Variants in VWA3B observed in about 807,000 individuals in gnomAD.
VWA3B encodes the protein von Willebrand factor A domain-containing protein 3B.
VWA3B carries 138 observed loss-of-function variants against 158.3 expected under a neutral mutation model. That is an observed-to-expected ratio of 0.87 (90% confidence interval 0.76 to 1.00). The LOEUF is 1.00. Ranked by LOEUF, VWA3B falls within the 50% of genes least tolerant of loss-of-function variation. The pLI is 0.00. For missense variants in VWA3B, 1,555 were observed against 1,565.1 expected, an observed-to-expected ratio of 0.99 and a Z score of 0.11; for synonymous variants, 596 against 587.3, an observed-to-expected ratio of 1.01 and a Z score of -0.21.
At chr2:98,237,504 A>AG (rs2105741498) in intron 19 of VWA3B, among the ~76,000 whole-genome samples, 1 of 152,346 alleles carries the variant, frequency 6.6e-6, no homozygotes, top group East Asian at 1.9e-4. Flanking sequence ...TCCCGAGAGG[A>AG]GAAAAACAGC....
intron 14 of VWA3B, among the ~76,000 whole-genome samples, chr2:98,221,374 C>T (rs570613941): frequency 3.7e-4 from 56 of 152,240 alleles, no homozygotes; most frequent in Non-Finnish European, 7.4e-4. Context: ...ACCTTTTTGG[C>T]AATATCTGTC....
At chr2:98,172,624 G>T (rs891469216) in intron 8 of VWA3B, among the ~76,000 whole-genome samples, 1 of 152,112 alleles carries the variant, frequency 6.6e-6, no homozygotes, top group Non-Finnish European at 1.5e-5. Flanking sequence ...CTTCCATATC[G>T]TTTAAAGGGA....
Position 98,234,721 on chromosome 2 carries a change from T to C in VWA3B, c.2382T>C (p.Asp794=). Reference sequence around the variant, plus strand: ...GCTCAGCTTGCAGTGAAAGGAAGGATGGCCTCTCCAATGCCAGCAGCCGGA... The same window carrying C: ...GCTCAGCTTGCAGTGAAAGGAAGGACGGCCTCTCCAATGCCAGCAGCCGGA... ...LRSSACSERK[D]GLSNASSRRT... Residue 794 remains aspartate, a synonymous_variant, in exon 17 of 28, where the codon GAT becomes GAC. Transcript: ENST00000477737. 6.2e-7 allele frequency: 1 copy of C among 1,614,190 alleles called. No homozygotes were observed.
At chr2:98,192,533 T>G (rs1035615073) in intron 10 of VWA3B, among the ~76,000 whole-genome samples, 5 of 152,290 alleles carry the variant, frequency 3.3e-5, no homozygotes, top group Non-Finnish European at 7.4e-5. Flanking sequence ...TCACTTCTTT[T>G]GTGGTGGAAT....
intron 13 of VWA3B, among the ~76,000 whole-genome samples, chr2:98,215,416 G>C (rs532231224): frequency 6.7e-6 from 1 of 150,092 alleles, no homozygotes; most frequent in South Asian, 2.1e-4. Context: ...ACTCTAGCCC[G>C]GGCGACAGAG....
At chr2:98,126,699 A>G (rs1444920810) in intron 5 of VWA3B, among the ~76,000 whole-genome samples, 3 of 152,164 alleles carry the variant, frequency 2.0e-5, no homozygotes, top group African/African-American at 7.2e-5. Flanking sequence ...TAAATTTACA[A>G]TATTCCTCAG....
intron 7 of VWA3B, among the ~76,000 whole-genome samples, chr2:98,142,366 TC>T (rs1385683723): frequency 6.6e-5 from 10 of 152,018 alleles, no homozygotes; most frequent in African/African-American, 2.4e-4. Context: ...TCTCCTGTTC[TC>T]CCCCAAGCCA....
In VWA3B at chr2:98,288,830, C is replaced by T. The variant is rs138612658; in HGVS notation, c.3046-1681C>T. On this transcript the variant is annotated intron_variant, in intron 22 of 27. Coordinates refer to ENST00000477737, the MANE Select transcript of VWA3B (RefSeq NM_144992.5). ...CTTCTTGATCTATCAAGTTGCATAACTTCTTCAATTCCTGAGTTCACATGG... is the reference window on the plus strand; with the variant it reads ...CTTCTTGATCTATCAAGTTGCATAATTTCTTCAATTCCTGAGTTCACATGG... 6.4e-3 allele frequency among the ~76,000 whole-genome samples: 976 copies of T among 152,230 alleles called. 8 individuals carry two copies. The highest frequency in any genetic ancestry group is 0.022 in the African/African-American group (933 of 41,546).
chr2:98,093,366 C>G, intron 2 of VWA3B, 78 bp downstream of exon 2: 1 of 1,469,954 alleles, frequency 6.8e-7, no homozygotes, highest in South Asian at 1.2e-5. Context: ...CTGAAGGCCC[C>G]TCAAAAACCA....
intron 8 of VWA3B, among the ~76,000 whole-genome samples, chr2:98,167,012 G>A (rs1679140146): frequency 6.6e-6 from 1 of 152,146 alleles, no homozygotes; most frequent in Non-Finnish European, 1.5e-5. Flanking sequence ...CCGCAGCCCA[G>A]AGTTACTGAG....
At chr2:98,148,180 T>C (rs1677331090) in intron 7 of VWA3B, among the ~76,000 whole-genome samples, 1 of 152,174 alleles carries the variant, frequency 6.6e-6, no homozygotes, top group Non-Finnish European at 1.5e-5. Flanking sequence ...TGTGGGGTAA[T>C]CTCTCATGTT....
downstream of VWA3B, among the ~76,000 whole-genome samples, chr2:98,314,046 A>G (rs1691033763): frequency 6.6e-6 from 1 of 152,214 alleles, no homozygotes; most frequent in Non-Finnish European, 1.5e-5. Flanking sequence ...GCGTCAGGTG[A>G]TAAGGACAGT....
chr2:98,111,214 G>A (rs1032675404), intron 2 of VWA3B, among the ~76,000 whole-genome samples: 1 of 152,032 alleles, frequency 6.6e-6, no homozygotes, highest in Non-Finnish European at 1.5e-5. Flanking sequence ...TTGTTTCTGA[G>A]TTATTTCATT....
At chr2:98,274,538 G>A (rs557020440) in intron 22 of VWA3B, among the ~76,000 whole-genome samples, 1 of 152,274 alleles carries the variant, frequency 6.6e-6, no homozygotes, top group Admixed American at 6.5e-5. Context: ...GAAACAGCCT[G>A]GGCTCAGGCA....
At chr2:98,167,676 C>T (rs750338499) in intron 8 of VWA3B, among the ~76,000 whole-genome samples, 1 of 152,132 alleles carries the variant, frequency 6.6e-6, no homozygotes, top group Non-Finnish European at 1.5e-5. Flanking sequence ...TGCAAAGGGT[C>T]CCCCTCAAGA....
intron 26 of VWA3B, among the ~76,000 whole-genome samples, chr2:98,306,436 C>T (rs1253531865): frequency 6.6e-6 from 1 of 152,056 alleles, no homozygotes; most frequent in South Asian, 2.1e-4. Flanking sequence ...AAGGGGTGTG[C>T]GGCTCCACAG....
intron 26 of VWA3B, among the ~76,000 whole-genome samples, chr2:98,308,755 G>C (rs1454025842): frequency 6.6e-6 from 1 of 152,216 alleles, no homozygotes; most frequent in African/African-American, 2.4e-5. Context: ...CAGGCCGCCT[G>C]AACTGAATAC....
Position 98,135,325 on chromosome 2 carries a change from CTTTTTTTTTTTTTT to C in VWA3B, c.988+1401_988+1414del, listed in dbSNP as rs397873615. Reference sequence around the variant, plus strand: ...GCAAATTACATACAAAAACATTTTTCTTTTTTTTTTTTTTTTTTTTTTTTTTTTGAGACAGAGTC... The same window carrying C: ...GCAAATTACATACAAAAACATTTTTCTTTTTTTTTTTTTTGAGACAGAGTC... On this transcript the variant is annotated intron_variant, in intron 7 of 27. Coordinates refer to ENST00000477737, the MANE Select transcript of VWA3B (RefSeq NM_144992.5). Among the ~76,000 whole-genome samples, 257 of 96,432 alleles carry C rather than the reference CTTTTTTTTTTTTTT, an allele frequency of 2.7e-3. 2 individuals carry two copies. Among genetic ancestry groups the C allele is most frequent in the African/African-American group, 0.011 (251 of 23,530 alleles). 63.3% of individuals were successfully genotyped at this position (96,432 alleles called of 152,430 possible).
the VWA3B span, among the ~76,000 whole-genome samples, chr2:98,322,372 G>T: frequency 1.3e-5 from 2 of 152,194 alleles, no homozygotes; most frequent in Non-Finnish European, 2.9e-5. Context: ...CAAGGTGCCA[G>T]AAATAAGAGT....
Sources: allele counts gnomAD v4.1 joint callset (sites outside exome capture counted in the v4.1 genomes callset), GRCh38; gene constraint gnomAD v4.1.1; transcripts MANE v1.5; gene names NCBI Gene and HGNC (gene_info 2026-07-23, HGNC 2026-07-21).